Variants in RGPD2 observed in about 807,000 individuals in gnomAD.
RGPD2 encodes the protein RANBP2 like and GRIP domain containing 2, also known as RANBP2-like and GRIP domain-containing protein 2.
In RGPD2, 2 loss-of-function variants were observed where a neutral mutation model predicts 36.0. The observed-to-expected ratio is 0.06, with a 90% CI of 0.02 to 0.17. The LOEUF (loss-of-function observed/expected upper bound fraction) is 0.17. Ranked by LOEUF, RGPD2 falls within the 10% of genes least tolerant of loss-of-function variation. The probability of loss-of-function intolerance (pLI) is 1.00; values close to 1 mark genes in which losing one functional copy is unlikely to be tolerated. For synonymous variants in RGPD2, 19 were observed against 163.8 expected (o/e 0.12, Z 6.75); for missense variants, 40 against 464.3 (o/e 0.09, Z 8.40).
the RGPD2 span, among the ~76,000 whole-genome samples, chr2:87,853,912 C>T: frequency 6.6e-6 from 1 of 152,088 alleles, no homozygotes; most frequent in South Asian, 2.1e-4. Context: ...AGGTGCCTTC[C>T]TTATCTGAAA....
At chr2:87,842,148 A>G in the RGPD2 span, among the ~76,000 whole-genome samples, 1 of 152,220 alleles carries the variant, frequency 6.6e-6, no homozygotes, top group Non-Finnish European at 1.5e-5. Flanking sequence ...GAAAACTGGC[A>G]CAAGACAGGG....
the RGPD2 span, among the ~76,000 whole-genome samples, chr2:87,917,184 G>A: frequency 1.3e-5 from 2 of 151,570 alleles, no homozygotes; most frequent in Non-Finnish European, 1.5e-5. Context: ...AAGCAAAAAG[G>A]AAAAGGTAGG....
At chr2:87,955,149 G>GA in the RGPD2 span, among the ~76,000 whole-genome samples, 1 of 74,844 alleles carries the variant, frequency 1.3e-5, no homozygotes, top group African/African-American at 5.5e-5. Flanking sequence ...GAGTAGCTGG[G>GA]ACTACAGGCG....
At chr2:87,970,280 C>G in the RGPD2 span, among the ~76,000 whole-genome samples, 1 of 151,566 alleles carries the variant, frequency 6.6e-6, no homozygotes, top group Non-Finnish European at 1.5e-5. Flanking sequence ...CATTTTTGCT[C>G]CAGATATTAT....
chr2:87,809,338 C>T (rs1173765031), intron 6 of RGPD2, among the ~76,000 whole-genome samples: 2 of 150,346 alleles, frequency 1.3e-5, no homozygotes, highest in African/African-American at 4.9e-5. Context: ...TCCTGGCCAA[C>T]ATGATGAAAC....
the RGPD2 span, among the ~76,000 whole-genome samples, chr2:87,965,042 G>A: frequency 6.6e-6 from 1 of 150,388 alleles, no homozygotes; most frequent in African/African-American, 2.4e-5. Context: ...CTGGGGCCAT[G>A]GAAGAACCAC....
chr2:87,824,219 A>C (rs1042382993), intron 1 of RGPD2, among the ~76,000 whole-genome samples: 6 of 151,066 alleles, frequency 4.0e-5, no homozygotes, highest in African/African-American at 1.5e-4. Flanking sequence ...ACGGATTTTC[A>C]CCATGTTGGT....
At chr2:87,943,539 G>A in the RGPD2 span, among the ~76,000 whole-genome samples, 2 of 151,308 alleles carry the variant, frequency 1.3e-5, no homozygotes, top group African/African-American at 4.8e-5. Flanking sequence ...CTGGATATCA[G>A]TTCCTTGCTG....
the RGPD2 span, among the ~76,000 whole-genome samples, chr2:87,882,167 C>T: frequency 1.1e-4 from 16 of 152,220 alleles, no homozygotes; most frequent in Admixed American, 6.5e-4. Context: ...GAGAGGACAT[C>T]GAAACTATGT....
chr2:87,986,028 G>C, the RGPD2 span: 3 of 709,464 alleles, frequency 4.2e-6, no homozygotes, highest in East Asian at 8.4e-5. Flanking sequence ...ATTATGAAAA[G>C]AAAACTGTCA....
the RGPD2 span, among the ~76,000 whole-genome samples, chr2:87,857,596 C>T: frequency 6.6e-6 from 1 of 151,660 alleles, no homozygotes; most frequent in African/African-American, 2.4e-5. Context: ...CCCGCCTCGG[C>T]CTCCCAAAGT....
At chr2:87,907,464 G>GAAAAAAAAAAAAAAAAAAAAAAA in the RGPD2 span, among the ~76,000 whole-genome samples, 1 of 2,012 alleles carries the variant, frequency 5.0e-4, no homozygotes, top group African/African-American at 2.7e-3. Context: ...AAAAAAAAAA[G>GAAAAAAAAAAAAAAAAAAAAAAA]AATTGTGGGT....
At chr2:87,912,933 A>G in the RGPD2 span, among the ~76,000 whole-genome samples, 2 of 149,686 alleles carry the variant, frequency 1.3e-5, no homozygotes, top group African/African-American at 5.0e-5. Flanking sequence ...GCTCTGAGTC[A>G]AATTTCATCT....
the RGPD2 span, among the ~76,000 whole-genome samples, chr2:87,979,093 G>A: frequency 2.7e-5 from 4 of 150,910 alleles, no homozygotes; most frequent in Non-Finnish European, 5.9e-5. Context: ...AATTAGCCAG[G>A]CATGGTGGCG....
the RGPD2 span, among the ~76,000 whole-genome samples, chr2:87,858,105 A>T: frequency 6.6e-6 from 1 of 152,178 alleles, no homozygotes; most frequent in Non-Finnish European, 1.5e-5. Context: ...AAATTGACAT[A>T]ATCTATGATT....
At chr2:87,892,414 A>T in the RGPD2 span, among the ~76,000 whole-genome samples, 1 of 151,756 alleles carries the variant, frequency 6.6e-6, no homozygotes, top group Non-Finnish European at 1.5e-5. Flanking sequence ...CAATGTAAAG[A>T]CTTGTTATTT....
the RGPD2 span, among the ~76,000 whole-genome samples, chr2:87,957,240 G>C: frequency 1.1e-4 from 15 of 140,100 alleles, no homozygotes; most frequent in South Asian, 7.1e-4. Flanking sequence ...GGTCACTGGG[G>C]GGGGGCTCTC....
intron 6 of RGPD2, among the ~76,000 whole-genome samples, chr2:87,809,465 G>A (rs1395132431): frequency 5.0e-5 from 7 of 138,654 alleles, no homozygotes; most frequent in African/African-American, 7.9e-5. Context: ...TCAGGAGATC[G>A]AGACCATCCT....
At chr2:87,985,440 C>T in the RGPD2 span, among the ~76,000 whole-genome samples, 1 of 149,362 alleles carries the variant, frequency 6.7e-6, no homozygotes. Flanking sequence ...AAAACCAAGA[C>T]TATCACTAAT....
Sources: gnomAD v4.1 joint callset for allele counts (sites outside exome capture counted in the v4.1 genomes callset) on GRCh38, gnomAD v4.1.1 for gene constraint, MANE v1.5 for transcripts, NCBI Gene and HGNC (gene_info 2026-07-23, HGNC 2026-07-21) for gene names.